GLRA3: variants seen among roughly 807,000 people sequenced by gnomAD.
GLRA3 encodes the protein glycine receptor subunit alpha-3.
In GLRA3, 44 loss-of-function variants were observed where a neutral mutation model predicts 60.4. The ratio of observed to expected loss-of-function variants is 0.73; its 90% CI spans 0.57 to 0.94. The LOEUF (loss-of-function observed/expected upper bound fraction) is 0.94, where lower values mean the gene tolerates loss of function less well. Ranked by LOEUF, GLRA3 falls within the 40% of genes least tolerant of loss-of-function variation. GLRA3 has a pLI of 0.00. For missense variants in GLRA3, 508 were observed against 564.6 expected (o/e 0.90, Z 1.02); for synonymous variants, 223 against 192.9 (o/e 1.16, Z -1.29).
intron 7 of GLRA3, among the ~76,000 whole-genome samples, chr4:174,673,581 C>G (rs1009899587): frequency 6.6e-6 from 1 of 152,038 alleles, no homozygotes; most frequent in Non-Finnish European, 1.5e-5. Flanking sequence ...GGGAGGGGAA[C>G]AGAGAGAGAA....
rs913105133 is a variant in GLRA3 at position 174,705,233 on chromosome 4, G to A, written c.574+10255C>T. On this transcript the variant is annotated intron_variant, in intron 5 of 9. Transcript: ENST00000274093. ...AGGTGGAATTACTGCCATTATAAAA[G>A]GGTGGTTTCAGCCCCTTTTTGTGCC... 3.5e-5 allele frequency among the ~76,000 whole-genome samples: 5 copies of A among 143,614 alleles called. 1 individual carries two copies. Among genetic ancestry groups the A allele is most frequent in the African/African-American group, 1.3e-4 (5 of 39,790 alleles). The allele number at this position is 143,614 out of a possible 152,430, so 94.2% of individuals were successfully genotyped here.
intron 3 of GLRA3, among the ~76,000 whole-genome samples, chr4:174,741,636 T>C (rs1737031261): frequency 6.6e-6 from 1 of 152,068 alleles, no homozygotes; most frequent in Admixed American, 6.5e-5. Context: ...GTGCTTTTGG[T>C]GTTATATCTA....
chr4:174,702,006 A>G (rs1039357390), intron 5 of GLRA3, among the ~76,000 whole-genome samples: 3 of 152,356 alleles, frequency 2.0e-5, no homozygotes, highest in African/African-American at 7.2e-5. Flanking sequence ...CACTTAGTTG[A>G]TAAAGCGGTG....
chr4:174,657,829 C>T (rs13140642), intron 8 of GLRA3, among the ~76,000 whole-genome samples: 37,576 of 151,992 alleles, frequency 0.25, 5,634 homozygotes, highest in East Asian at 0.38. Flanking sequence ...TAATTAAATG[C>T]AAGTCTTAGC....
chr4:174,721,617 A>G (rs1294145790), intron 4 of GLRA3, among the ~76,000 whole-genome samples: 1 of 152,008 alleles, frequency 6.6e-6, no homozygotes. Flanking sequence ...ACTGTAGGAT[A>G]GTAATATGGC....
intron 5 of GLRA3, among the ~76,000 whole-genome samples, chr4:174,701,745 A>C (rs546362477): frequency 4.6e-5 from 7 of 152,326 alleles, no homozygotes; most frequent in Admixed American, 4.6e-4. Context: ...ACCCTCATGG[A>C]TGACTCTGAG....
intron 3 of GLRA3, among the ~76,000 whole-genome samples, chr4:174,738,498 C>T (rs1736886933): frequency 6.6e-6 from 1 of 152,174 alleles, no homozygotes; most frequent in South Asian, 2.1e-4. Flanking sequence ...AAATATTTGG[C>T]AACCTGTGAG....
intron 7 of GLRA3, among the ~76,000 whole-genome samples, chr4:174,667,250 C>T (rs187466960): frequency 5.2e-4 from 79 of 152,124 alleles, no homozygotes; most frequent in African/African-American, 1.9e-3. Context: ...CTACCACATG[C>T]CTAGAGGGGA....
At chr4:174,797,041 A>G (rs775271670) in intron 1 of GLRA3, among the ~76,000 whole-genome samples, 3 of 152,336 alleles carry the variant, frequency 2.0e-5, no homozygotes, top group African/African-American at 7.2e-5. Context: ...GAGGCTCCAT[A>G]TAACCAATTT....
intron 1 of GLRA3, among the ~76,000 whole-genome samples, chr4:174,814,820 T>C (rs900077224): frequency 6.6e-6 from 1 of 152,160 alleles, no homozygotes; most frequent in Non-Finnish European, 1.5e-5. Flanking sequence ...GAATTCAAGA[T>C]GTGATTTGGG....
intron 5 of GLRA3, among the ~76,000 whole-genome samples, chr4:174,688,549 A>C (rs1167873068): frequency 6.7e-6 from 1 of 148,684 alleles, no homozygotes; most frequent in African/African-American, 2.5e-5. Flanking sequence ...TTTGAATTAG[A>C]AATAGAGAAG....
At chr4:174,796,605 T>C (rs1282039086) in intron 1 of GLRA3, among the ~76,000 whole-genome samples, 1 of 151,958 alleles carries the variant, frequency 6.6e-6, no homozygotes, top group South Asian at 2.1e-4. Flanking sequence ...GGCGCGATCT[T>C]GGCTGACTGA....
At chr4:174,658,424 AT>A (rs1561036770) in intron 8 of GLRA3, among the ~76,000 whole-genome samples, 2 of 152,156 alleles carry the variant, frequency 1.3e-5, no homozygotes, top group Non-Finnish European at 2.9e-5. Context: ...TCCAAATCCA[AT>A]TAGGGGTTTA....
At chr4:174,683,361 T>G (rs1243575872) in intron 5 of GLRA3, among the ~76,000 whole-genome samples, 2 of 152,328 alleles carry the variant, frequency 1.3e-5, no homozygotes, top group East Asian at 3.9e-4. Context: ...ATGACTTTTT[T>G]TTTTTTTGAG....
chr4:174,654,913 G>A (rs554504587), intron 9 of GLRA3, among the ~76,000 whole-genome samples: 2 of 152,198 alleles, frequency 1.3e-5, no homozygotes, highest in South Asian at 2.1e-4. Flanking sequence ...GCAAACTTGT[G>A]TTCTTTCACA....
Position 174,643,362 on chromosome 4 carries a change from AG to A in GLRA3, c.*423del. 1 of 360,692 alleles carries A rather than the reference AG, an allele frequency of 2.8e-6. No homozygotes were observed. Among genetic ancestry groups the A allele is most frequent in the Non-Finnish European group, 3.1e-6 (1 of 323,106 alleles). The allele number at this position is 360,692 out of a possible 1,614,324, so 22.3% of individuals were successfully genotyped here. A position where few individuals can be genotyped will look rare whatever the true frequency, so the allele number is the denominator to read the frequency against. The stretch of plus-strand genomic sequence containing the variant: ...TTTCCCATTTTGTAACTATACTATA[AG>A]AAAATAGTTTTAAATCTCAAACTAT... On this transcript the variant is annotated 3_prime_UTR_variant, in exon 10 of 10. Coordinates refer to ENST00000274093, the MANE Select transcript of GLRA3 (RefSeq NM_006529.4).
intron 5 of GLRA3, among the ~76,000 whole-genome samples, chr4:174,705,313 G>A (rs572185197): frequency 7.0e-6 from 1 of 143,786 alleles, no homozygotes; most frequent in East Asian, 2.3e-4. Context: ...GCAGATGCTG[G>A]CAGCTTCATT....
At chr4:174,759,739 T>C (rs974677668) in intron 3 of GLRA3, among the ~76,000 whole-genome samples, 4 of 152,126 alleles carry the variant, frequency 2.6e-5, no homozygotes, top group African/African-American at 9.6e-5. Flanking sequence ...ATCATTAGCA[T>C]AGAACTTGAA....
intron 1 of GLRA3, among the ~76,000 whole-genome samples, chr4:174,810,928 T>C (rs533605571): frequency 6.6e-6 from 1 of 152,210 alleles, no homozygotes; most frequent in Admixed American, 6.6e-5. Flanking sequence ...ATGTTTCTCA[T>C]AGGTATTGTT....
Sources: allele counts gnomAD v4.1 joint callset (sites outside exome capture counted in the v4.1 genomes callset), GRCh38; gene constraint gnomAD v4.1.1; transcripts MANE v1.5; gene names NCBI Gene and HGNC (gene_info 2026-07-23, HGNC 2026-07-21).